MREG: variants seen among roughly 807,000 people sequenced by gnomAD.
MREG encodes melanoregulin, also known as dilute suppressor protein homolog.
MREG carries 31 observed loss-of-function variants against 28.5 expected under a neutral mutation model. The observed-to-expected ratio is 1.09, with a 90% CI of 0.82 to 1.47. The LOEUF is 1.47. Among genes scored for constraint, MREG ranks in the 40% most tolerant of loss-of-function variants. MREG has a pLI of 0.00. For synonymous variants in MREG, 106 were observed against 95.2 expected (o/e 1.11, Z -0.66); for missense variants, 256 against 257.4 (o/e 0.99, Z 0.04).
At chr2:215,999,624 A>T (rs1257646213) in intron 1 of MREG, among the ~76,000 whole-genome samples, 1 of 152,224 alleles carries the variant, frequency 6.6e-6, no homozygotes, top group Non-Finnish European at 1.5e-5. Context: ...GAACATTCTG[A>T]AATTATGATT....
chr2:215,964,051 C>T (rs1205998109), intron 2 of MREG, among the ~76,000 whole-genome samples: 1 of 152,108 alleles, frequency 6.6e-6, no homozygotes, highest in Non-Finnish European at 1.5e-5. Context: ...TTTTAAAAGA[C>T]TTCCAAGACA....
In MREG at chr2:215,998,658, C is replaced by A. The variant is rs569338516; in HGVS notation, c.96-2193G>T. Among the ~76,000 whole-genome samples, 3 of 152,318 alleles carry A rather than the reference C, an allele frequency of 2.0e-5. No individual in the cohort carries two copies. The East Asian group carries it at 5.8e-4, about 29-fold the overall frequency. ...AGCTAGAACACAGGCAGCCCCACAG[C>A]CTGACTCTTCCTAAGAATGATGAAC... On this transcript the variant is annotated intron_variant, in intron 1 of 4. Coordinates refer to ENST00000263268, the MANE Select transcript of MREG (RefSeq NM_018000.3).
intron 3 of MREG, among the ~76,000 whole-genome samples, chr2:215,946,389 T>C (rs1692320291): frequency 1.3e-5 from 2 of 151,952 alleles, no homozygotes; most frequent in South Asian, 4.2e-4. Context: ...GATGTCATGC[T>C]CTCTTTCAAA....
At chr2:215,983,660 T>TAAC (rs1559186664) in intron 2 of MREG, among the ~76,000 whole-genome samples, 1 of 152,136 alleles carries the variant, frequency 6.6e-6, no homozygotes, top group African/African-American at 2.4e-5. Context: ...CATGTAGTAA[T>TAAC]TGTATGTATT....
intron 2 of MREG, among the ~76,000 whole-genome samples, chr2:215,971,914 G>C (rs374714253): frequency 6.6e-6 from 1 of 152,164 alleles, no homozygotes; most frequent in Non-Finnish European, 1.5e-5. Flanking sequence ...TTTCTCAAAC[G>C]CACTGCCTTA....
downstream of MREG, chr2:215,939,483 T>C (rs1396505146): frequency 6.6e-6 from 1 of 152,174 alleles, no homozygotes; most frequent in Non-Finnish European, 1.5e-5. Context: ...GCCACAAATA[T>C]TGAAATAAAA....
chr2:215,960,287 T>A (rs1337533112), intron 2 of MREG, among the ~76,000 whole-genome samples: 1 of 152,114 alleles, frequency 6.6e-6, no homozygotes, highest in Non-Finnish European at 1.5e-5. Flanking sequence ...ATCTATAATG[T>A]CTCCTTTATC....
chr2:215,981,161 C>A (rs1693419318), intron 2 of MREG, among the ~76,000 whole-genome samples: 1 of 152,024 alleles, frequency 6.6e-6, no homozygotes, highest in South Asian at 2.1e-4. Flanking sequence ...TAGGTATATG[C>A]CCAAAAGAAC....
intron 1 of MREG, among the ~76,000 whole-genome samples, chr2:215,997,343 C>A (rs1693900153): frequency 6.6e-6 from 1 of 152,108 alleles, no homozygotes; most frequent in South Asian, 2.1e-4. Context: ...TAAGGTGGTA[C>A]CTGGGTGTGG....
chr2:215,959,961 C>CTT (rs11403129), intron 2 of MREG, among the ~76,000 whole-genome samples: 5,716 of 148,696 alleles, frequency 0.038, 151 homozygotes, highest in Non-Finnish European at 0.056. Flanking sequence ...ATAGATACTC[C>CTT]TTTTTTTTTT....
chr2:216,023,885 C>G (rs1694559503), intron 1 of MREG, among the ~76,000 whole-genome samples: 1 of 152,158 alleles, frequency 6.6e-6, no homozygotes, highest in Non-Finnish European at 1.5e-5. Flanking sequence ...CCAGGCTGGT[C>G]TCAAACTCCT....
At chr2:215,969,005 T>C (rs748756568) in intron 2 of MREG, among the ~76,000 whole-genome samples, 3 of 152,232 alleles carry the variant, frequency 2.0e-5, no homozygotes, top group Non-Finnish European at 4.4e-5. Flanking sequence ...GCAATCCTCC[T>C]GCCTTAGCCT....
Position 215,944,736 on chromosome 2 carries a change from A to C in MREG, c.*127T>G. On this transcript the variant is annotated 3_prime_UTR_variant, in exon 5 of 5. Transcript: ENST00000263268. ...CAGATTAAAGACTTTACATTTATGT[A>C]GAATTCAGTATCATTTTTCACTAAG... 5.3e-6 allele frequency: 5 copies of C among 950,938 alleles called. No individual in the cohort carries two copies. Among genetic ancestry groups the C allele is most frequent in the African/African-American group, 1.6e-5 (1 of 61,662 alleles). The allele number at this position is 950,938 out of a possible 1,614,324, so 58.9% of individuals were successfully genotyped here.
intron 1 of MREG, among the ~76,000 whole-genome samples, chr2:216,024,793 G>C (rs1306461838): frequency 6.6e-6 from 1 of 150,974 alleles, no homozygotes; most frequent in African/African-American, 2.4e-5. Context: ...CGAGGCAGAA[G>C]AATTGCTTGA....
At chr2:216,024,459 AAAG>A (rs1207100675) in intron 1 of MREG, among the ~76,000 whole-genome samples, 5 of 152,074 alleles carry the variant, frequency 3.3e-5, no homozygotes, top group African/African-American at 9.7e-5. Context: ...CAAAAAAAAA[AAAG>A]GACGCCCCGT....
chr2:216,013,107 G>T, intron 1 of MREG, 126 bp downstream of exon 1: 1 of 751,146 alleles, frequency 1.3e-6, no homozygotes, highest in Non-Finnish European at 2.2e-6. Flanking sequence ...GGGCTGAGAT[G>T]GCGCCTCCGC....
chr2:215,948,361 G>T (rs927688262), intron 2 of MREG, among the ~76,000 whole-genome samples: 1 of 152,174 alleles, frequency 6.6e-6, no homozygotes, highest in Non-Finnish European at 1.5e-5. Context: ...TAGAAGTCAG[G>T]AAGTGGCAAG....
intron 2 of MREG, among the ~76,000 whole-genome samples, chr2:215,987,821 T>C (rs1167018368): frequency 6.6e-6 from 1 of 151,974 alleles, no homozygotes; most frequent in Non-Finnish European, 1.5e-5. Flanking sequence ...GAGAATCACT[T>C]GAAACCAGGA....
intron 2 of MREG, among the ~76,000 whole-genome samples, chr2:215,981,167 A>C (rs1693419466): frequency 6.6e-6 from 1 of 152,212 alleles, no homozygotes; most frequent in African/African-American, 2.4e-5. Context: ...TATGCCCAAA[A>C]GAACTGAAAA....
Sources: gnomAD v4.1 joint callset for allele counts (sites outside exome capture counted in the v4.1 genomes callset) on GRCh38, gnomAD v4.1.1 for gene constraint, MANE v1.5 for transcripts, NCBI Gene and HGNC (gene_info 2026-07-23, HGNC 2026-07-21) for gene names.